Variants in LRRC4C observed in about 807,000 individuals in gnomAD.
LRRC4C encodes leucine-rich repeat-containing protein 4C.
LRRC4C carries 5 observed loss-of-function variants against 33.6 expected under a neutral mutation model. That is an observed-to-expected ratio of 0.15 (90% CI 0.08 to 0.31). The LOEUF (loss-of-function observed/expected upper bound fraction) is 0.31. Ranked by LOEUF, LRRC4C falls within the 10% of genes least tolerant of loss-of-function variation. The probability of loss-of-function intolerance (pLI) is 1.00; values close to 1 mark genes in which losing one functional copy is unlikely to be tolerated. For missense variants in LRRC4C, 560 were observed against 796.7 expected, an observed-to-expected ratio of 0.70 and a Z score of 3.58; for synonymous variants, 329 against 302.0, an observed-to-expected ratio of 1.09 and a Z score of -0.93.
intron 3 of LRRC4C, among the ~76,000 whole-genome samples, chr11:40,389,076 T>C (rs1949231250): frequency 6.6e-6 from 1 of 152,146 alleles, no homozygotes; most frequent in Non-Finnish European, 1.5e-5. Flanking sequence ...AGTACTGTAC[T>C]GGATGCATAG....
At chr11:41,204,800 T>G (rs926766938) in intron 1 of LRRC4C, among the ~76,000 whole-genome samples, 1 of 152,158 alleles carries the variant, frequency 6.6e-6, no homozygotes, top group African/African-American at 2.4e-5. Context: ...GATGTAAAAT[T>G]TGGACAATAT....
chr11:40,932,772 G>A (rs1423401279), intron 2 of LRRC4C, among the ~76,000 whole-genome samples: 1 of 152,136 alleles, frequency 6.6e-6, no homozygotes, highest in Non-Finnish European at 1.5e-5. Flanking sequence ...GTCAGGGCAA[G>A]GTTTGAGCCC....
chr11:40,371,899 A>G (rs1226834849), intron 3 of LRRC4C, among the ~76,000 whole-genome samples: 3 of 152,208 alleles, frequency 2.0e-5, no homozygotes, highest in African/African-American at 7.2e-5. Context: ...AGAATTAAAC[A>G]ATTAGGTATG....
chr11:40,657,168 G>T (rs1310004762), intron 2 of LRRC4C, among the ~76,000 whole-genome samples: 1 of 152,098 alleles, frequency 6.6e-6, no homozygotes, highest in African/African-American at 2.4e-5. Context: ...AAGTTTCAAG[G>T]TATGGCCAAG....
At chr11:40,399,076 G>A (rs1335998182) in intron 3 of LRRC4C, among the ~76,000 whole-genome samples, 1 of 152,070 alleles carries the variant, frequency 6.6e-6, no homozygotes, top group African/African-American at 2.4e-5. Flanking sequence ...CATACACTTA[G>A]AATGATTAGA....
chr11:41,254,050 A>T (rs1948723345), intron 1 of LRRC4C, among the ~76,000 whole-genome samples: 1 of 152,108 alleles, frequency 6.6e-6, no homozygotes, highest in African/African-American at 2.4e-5. Flanking sequence ...TACAAAATAT[A>T]TATACGACCT....
At chr11:41,157,100 C>T (rs924056757) in intron 1 of LRRC4C, among the ~76,000 whole-genome samples, 2 of 152,088 alleles carry the variant, frequency 1.3e-5, no homozygotes, top group Admixed American at 6.6e-5. Context: ...AACCTGCCAG[C>T]GCCTTGATCT....
At chr11:40,274,642 G>A (rs1031763991) in intron 4 of LRRC4C, among the ~76,000 whole-genome samples, 3 of 151,978 alleles carry the variant, frequency 2.0e-5, no homozygotes, top group African/African-American at 4.8e-5. Flanking sequence ...CATTCTCTTC[G>A]GCAAAGACAG....
At chr11:40,461,597 T>C (rs1224981356) in intron 3 of LRRC4C, among the ~76,000 whole-genome samples, 1 of 151,404 alleles carries the variant, frequency 6.6e-6, no homozygotes, top group African/African-American at 2.4e-5. Flanking sequence ...CTCAATGAAA[T>C]AACCAACTTA....
chr11:41,278,914 T>C (rs1949567388), intron 1 of LRRC4C, among the ~76,000 whole-genome samples: 2 of 152,194 alleles, frequency 1.3e-5, no homozygotes, highest in African/African-American at 4.8e-5. Context: ...GGTGTACTAA[T>C]CATCCCATCA....
At chr11:40,672,267 G>T (rs1944165927) in intron 2 of LRRC4C, among the ~76,000 whole-genome samples, 1 of 151,828 alleles carries the variant, frequency 6.6e-6, no homozygotes, top group Non-Finnish European at 1.5e-5. Flanking sequence ...TTCTCTCTTG[G>T]GCCTCTTTTA....
At chr11:40,738,946 G>A (rs990372915) in intron 2 of LRRC4C, among the ~76,000 whole-genome samples, 7 of 151,732 alleles carry the variant, frequency 4.6e-5, no homozygotes, top group African/African-American at 1.2e-4. Flanking sequence ...TTTGATATAC[G>A]CTGTGAAATG....
chr11:41,002,101 C>CT (rs1019463217), intron 1 of LRRC4C, among the ~76,000 whole-genome samples: 3 of 152,072 alleles, frequency 2.0e-5, no homozygotes, highest in Non-Finnish European at 2.9e-5. Flanking sequence ...TTCGAAACCC[C>CT]TTTTTTGTAT....
chr11:40,974,866 G>A (rs968962839), intron 1 of LRRC4C, among the ~76,000 whole-genome samples: 2 of 152,174 alleles, frequency 1.3e-5, no homozygotes, highest in African/African-American at 4.8e-5. Context: ...TGGACACTGG[G>A]ACTCCAGGCT....
chr11:40,133,641 A>G (rs187864188), intron 6 of LRRC4C, among the ~76,000 whole-genome samples: 3 of 152,312 alleles, frequency 2.0e-5, no homozygotes, highest in African/African-American at 7.2e-5. Flanking sequence ...GTACTGAGAC[A>G]AGCCCAGTAT....
chr11:40,491,438 C>A (rs1036677064), intron 3 of LRRC4C, among the ~76,000 whole-genome samples: 2 of 152,172 alleles, frequency 1.3e-5, no homozygotes, highest in African/African-American at 2.4e-5. Context: ...TCTGCTCAGG[C>A]ACTTACACGG....
chr11:41,441,114 C>T (rs988522157), intron 1 of LRRC4C, among the ~76,000 whole-genome samples: 1 of 152,128 alleles, frequency 6.6e-6, no homozygotes, highest in Non-Finnish European at 1.5e-5. Context: ...AGAAATGCAA[C>T]ACTGGAGCTG....
chr11:40,709,545 T>C (rs1946356021), intron 2 of LRRC4C, among the ~76,000 whole-genome samples: 4 of 152,222 alleles, frequency 2.6e-5, no homozygotes, highest in Admixed American at 2.0e-4. Flanking sequence ...TACTCTCTTC[T>C]GGCTTGTAGG....
At chr11:41,098,979 A>G (rs978232858) in intron 1 of LRRC4C, among the ~76,000 whole-genome samples, 2 of 152,104 alleles carry the variant, frequency 1.3e-5, no homozygotes, top group African/African-American at 2.4e-5. Context: ...AGATAAACAC[A>G]ATTAGTAATG....
Sources: allele counts gnomAD v4.1 joint callset (sites outside exome capture counted in the v4.1 genomes callset), GRCh38; gene constraint gnomAD v4.1.1; transcripts MANE v1.5; gene names NCBI Gene and HGNC (gene_info 2026-07-23, HGNC 2026-07-21).